Variants in GSDMB observed in about 807,000 individuals in gnomAD.
GSDMB encodes the protein gasdermin-B.
A neutral mutation model predicts 42.9 loss-of-function variants in GSDMB; 32 were observed. The ratio of observed to expected loss-of-function variants is 0.75; its 90% CI spans 0.56 to 1.00. The LOEUF is 1.00. Among genes scored for constraint, GSDMB ranks in the 50% least tolerant of loss-of-function variants. The probability of loss-of-function intolerance (pLI) is 0.00; values close to 1 mark genes in which losing one functional copy is unlikely to be tolerated. For synonymous variants in GSDMB, 175 were observed against 193.7 expected, an observed-to-expected ratio of 0.90 and a Z score of 0.80; for missense variants, 468 against 498.5, an observed-to-expected ratio of 0.94 and a Z score of 0.58.
chr17:39,909,679 T>C (rs949271813), intron 4 of GSDMB, 77 bp downstream of exon 4: 10 of 1,317,094 alleles, frequency 7.6e-6, no homozygotes, highest in Middle Eastern at 2.6e-4. Flanking sequence ...AGGAAGAGTC[T>C]AAGGCTGGCA....
chr17:39,905,597 G>T, intron 9 of GSDMB, 101 bp from the exon 10 acceptor site: 1 of 1,015,314 alleles, frequency 9.8e-7, no homozygotes, highest in Non-Finnish European at 1.5e-6. Context: ...AGGTTCCAGA[G>T]AGCCCCTGGG....
intron 3 of GSDMB, among the ~76,000 whole-genome samples, 169 bp from the exon 4 acceptor site, chr17:39,910,093 AG>A (rs1359634687): frequency 6.6e-6 from 1 of 152,030 alleles, no homozygotes; most frequent in Admixed American, 6.6e-5. Context: ...CTCGGGGTGG[AG>A]GTAGGGGTGG....
At chr17:39,914,699 T>C (rs950725358) in intron 2 of GSDMB, among the ~76,000 whole-genome samples, 21 of 144,284 alleles carry the variant, frequency 1.5e-4, no homozygotes, top group Non-Finnish European at 2.5e-4. Context: ...GAGGTGAAGG[T>C]TGCAGTGAGC....
chr17:39,917,236 G>C lies in GSDMB; in HGVS notation c.81C>G (p.Ser27Arg), dbSNP rs1344566952. The C allele has an allele frequency of 6.2e-7, 1 of 1,613,924 alleles. No individual in the cohort carries two copies. Among genetic ancestry groups the C allele is most frequent in the South Asian group, 1.1e-5 (1 of 91,078 alleles). The change falls in exon 2 of 11, where the codon AGC (serine) becomes AGG (arginine). Residue 27 changes from serine (S) to arginine (R), a missense_variant. Transcript: ENST00000418519. ...AGCGGAATCTATCAGCATCAACAAGGCTTCTAACGGCAATCATATCCCCTC... is the reference window on the plus strand; with the variant it reads ...AGCGGAATCTATCAGCATCAACAAGCCTTCTAACGGCAATCATATCCCCTC... ...DAGGDMIAVRSLVDADRFRCF... is the reference protein window; with the variant it reads ...DAGGDMIAVRRLVDADRFRCF...
At chr17:39,912,967 C>T (rs1329756601) in intron 2 of GSDMB, among the ~76,000 whole-genome samples, 2 of 151,786 alleles carry the variant, frequency 1.3e-5, no homozygotes, top group Non-Finnish European at 1.5e-5. Context: ...AGTAGCCAGG[C>T]CTGGTGGTGT....
rs2063521735 is a variant in GSDMB, at chr17:39,907,258, G to A, written c.701-271C>T. The A allele has an allele frequency of 1.5e-5, 19 of 1,236,816 alleles. No individual in the cohort carries two copies. The Middle Eastern group carries it at 1.3e-3, about 83-fold the overall frequency. 76.6% of individuals were successfully genotyped at this position (1,236,816 alleles called of 1,614,324 possible). ...GAAAGGGGGCAGCATACACTCAGTCGCTCCGCAAATTTGGGTCAGACTTCT... is the reference window on the plus strand; with the variant it reads ...GAAAGGGGGCAGCATACACTCAGTCACTCCGCAAATTTGGGTCAGACTTCT... On this transcript the variant is annotated intron_variant, in intron 6 of 10. Coordinates refer to ENST00000418519, the MANE Select transcript of GSDMB (RefSeq NM_001165958.2).
Position 39,917,119 on chromosome 17 carries a change from C to T in GSDMB, c.198G>A (p.Gly66=). The T allele has an allele frequency of 6.2e-7, 1 of 1,614,070 alleles. No homozygotes were observed. Among genetic ancestry groups the T allele is most frequent in the South Asian group, 1.1e-5 (1 of 91,076 alleles). ...AATCCAGTTCATCTAACCACTTGTC[C>T]CCATCTGTGTCCAGAATGTCCATCA... The part of the protein sequence containing the change: ...LTLMDILDTD[G]DKWLDELDSG... The change falls in exon 2 of 11, where the codon GGG becomes GGA. Residue 66 remains glycine, a synonymous_variant. Coordinates refer to ENST00000418519, the MANE Select transcript of GSDMB (RefSeq NM_001165958.2).
intron 10 of GSDMB, 78 bp from the exon 11 acceptor site, chr17:39,905,042 T>G: frequency 8.3e-7 from 1 of 1,210,990 alleles, no homozygotes. Context: ...CCACACTCCT[T>G]GCTGCTGAGC....
intron 1 of GSDMB, chr17:39,917,589 C>T (rs959155270): frequency 8.4e-5 from 8 of 95,792 alleles, no homozygotes; most frequent in Non-Finnish European, 1.2e-4. Flanking sequence ...GTCTCCCCGC[C>T]GCCGCCCTTA....
intron 9 of GSDMB, 54 bp downstream of exon 9, chr17:39,905,793 G>A: frequency 6.3e-7 from 1 of 1,588,834 alleles, no homozygotes; most frequent in Non-Finnish European, 8.6e-7. Context: ...ACTCCCCACA[G>A]GCCTCTCTGC....
At position 39,908,186 on chromosome 17, in the gene GSDMB, G is replaced by T; in HGVS notation, c.690C>A (p.Ser230=). The T allele has an allele frequency of 6.6e-7, 1 of 1,520,860 alleles. No individual in the cohort carries two copies. The highest frequency in any genetic ancestry group is 8.9e-7 in the Non-Finnish European group (1 of 1,118,320). 94.2% of individuals were successfully genotyped at this position (1,520,860 alleles called of 1,614,324 possible). ...MNIHFRGKTK[S]FPEEKDGASS... is the part of the protein sequence containing the mutation. ...CAGCAGCTCACTCACCTTCTGGAAA[G>T]GATTTTGTTTTGCCCCTGAAATGAA... Residue 230 remains serine (S), a synonymous_variant, in exon 6 of 11, where the codon TCC becomes TCA. Transcript: ENST00000418519.
In GSDMB at chr17:39,918,533, C is replaced by T. The variant is rs1473248709; in HGVS notation, c.-15+1G>A. ...ACAGGCCCATCTCAAGTGGTACCCA[C>T]CTCCTCTCTGACCTCAGCTGTTCAC... On this transcript the variant is annotated splice_donor_variant, in intron 1 of 10. Transcript: ENST00000418519. LOFTEE classifies it low-confidence loss of function (5UTR_SPLICE). The T allele has an allele frequency of 6.6e-6, 1 of 152,402 alleles. No homozygotes were observed. The highest frequency in any genetic ancestry group is 2.4e-5 in the African/African-American group (1 of 41,420). 9.4% of individuals were successfully genotyped at this position (152,402 alleles called of 1,614,324 possible). A position where few individuals can be genotyped will look rare whatever the true frequency, so the allele number is the denominator to read the frequency against.
intron 2 of GSDMB, among the ~76,000 whole-genome samples, chr17:39,914,076 T>A (rs1427977918): frequency 6.6e-6 from 1 of 152,144 alleles, no homozygotes; most frequent in Non-Finnish European, 1.5e-5. Flanking sequence ...GAGTACTATA[T>A]GAAGAAGAGG....
chr17:39,906,343 TCTGA>T (rs1029209043), intron 7 of GSDMB, 72 bp from the exon 8 acceptor site: 4 of 1,446,618 alleles, frequency 2.8e-6, no homozygotes, highest in Non-Finnish European at 3.8e-6. Flanking sequence ...CTGTTATTTG[TCTGA>T]CTGTCTTCTG....
chr17:39,909,849 A>G lies in GSDMB; in HGVS notation c.483T>C (p.Thr161=). ...GGGTTTCCTCCTTTACCGTCTCCAG[A>G]GTTTCTGTCACCAGATACAGGTTTT... ...TRENLYLVTE[T]LETVKEETLK... Residue 161 remains threonine (T), a synonymous_variant, in exon 4 of 11, where the codon ACT becomes ACC. Transcript: ENST00000418519. The G allele has an allele frequency of 3.1e-6, 5 of 1,613,826 alleles. No individual in the cohort carries two copies. Among genetic ancestry groups the G allele is most frequent in the Non-Finnish European group, 4.2e-6 (5 of 1,179,684 alleles).
At chr17:39,917,589 C>CACCCCT (rs1568107723) in intron 1 of GSDMB, 1 of 95,726 alleles carries the variant, frequency 1.0e-5, no homozygotes, top group African/African-American at 1.4e-4. Flanking sequence ...GTCTCCCCGC[C>CACCCCT]GCCGCCCTTA....
In GSDMB at chr17:39,904,975, A is replaced by AC. The variant is rs928001616; in HGVS notation, c.1099-12dup. On this transcript the variant is annotated splice_polypyrimidine_tract_variant and intron_variant, in intron 10 of 10. Coordinates refer to ENST00000418519, the MANE Select transcript of GSDMB (RefSeq NM_001165958.2). ...CATGACAGATTTCACCTGGAAGGAA[A>AC]CCCCCCAGATTGTAACAGCTAGGAA... The AC allele has an allele frequency of 1.9e-6, 3 of 1,612,038 alleles. No homozygotes were observed. The African/African-American group carries it at 4.0e-5, about 22-fold the overall frequency.
In GSDMB at chr17:39,917,090, C is replaced by T. The variant is rs1423035117; in HGVS notation, c.227G>A (p.Gly76Glu). Reference sequence around the variant, plus strand: ...ATCTACCTTATACTGACCTTGGAGCCCAGAATCCAGTTCATCTAACCACTT... The same window carrying T: ...ATCTACCTTATACTGACCTTGGAGCTCAGAATCCAGTTCATCTAACCACTT... ...GDKWLDELDS[G>E]LQGQKAEFQI... The change falls in exon 2 of 11, where the codon GGG becomes GAG. Residue 76 changes from glycine to glutamate, a missense_variant. Gly to Glu is a moderately conservative substitution (Grantham distance 98). Coordinates refer to ENST00000418519, the MANE Select transcript of GSDMB (RefSeq NM_001165958.2). 6 of 1,612,468 alleles carry T rather than the reference C, an allele frequency of 3.7e-6. No homozygotes were observed. The highest frequency in any genetic ancestry group is 5.1e-6 in the Non-Finnish European group (6 of 1,178,662).
At chr17:39,907,227 G>A (rs2063521270) in intron 6 of GSDMB, 1 of 1,331,696 alleles carries the variant, frequency 7.5e-7, no homozygotes, top group Admixed American at 3.2e-5. Context: ...AAGAAGCCAA[G>A]GCCCAGAAAG....
Sources: allele counts gnomAD v4.1 joint callset (sites outside exome capture counted in the v4.1 genomes callset), GRCh38; gene constraint gnomAD v4.1.1; transcripts MANE v1.5; gene names NCBI Gene and HGNC (gene_info 2026-07-23, HGNC 2026-07-21).